Variants in RCC1L observed in about 807,000 individuals in gnomAD.
The protein encoded by RCC1L is RCC1-like G exchanging factor-like protein.
A neutral mutation model predicts 58.6 loss-of-function variants in RCC1L; 46 were observed. The ratio of observed to expected loss-of-function variants is 0.79; its 90% CI spans 0.62 to 1.00. The LOEUF is 1.00. RCC1L is among the 50% of genes least tolerant of loss of function. The pLI is 0.00. For synonymous variants in RCC1L, 281 were observed against 262.9 expected (o/e 1.07, Z -0.67); for missense variants, 636 against 623.6 (o/e 1.02, Z -0.21).
intron 6 of RCC1L, among the ~76,000 whole-genome samples, chr7:75,059,187 C>CAAAAAAAAAAAAAAAAAAAA (rs71278503): frequency 1.3e-5 from 1 of 77,972 alleles, no homozygotes; most frequent in Non-Finnish European, 2.6e-5. Flanking sequence ...ATGAGACTCT[C>CAAAAAAAAAAAAAAAAAAAA]AAAAAAAAAA....
intron 10 of RCC1L, among the ~76,000 whole-genome samples, chr7:75,034,497 C>T (rs1470929923): frequency 1.3e-5 from 2 of 152,164 alleles, no homozygotes; most frequent in African/African-American, 4.8e-5. Context: ...GCCTGGGCGA[C>T]AGAGCGAGAC....
downstream of RCC1L, among the ~76,000 whole-genome samples, chr7:75,037,941 T>C (rs1805463483): frequency 6.6e-6 from 1 of 152,172 alleles, no homozygotes; most frequent in Admixed American, 6.5e-5. Flanking sequence ...CTGTCTCCCA[T>C]GTTAAATATC....
intron 5 of RCC1L, among the ~76,000 whole-genome samples, chr7:75,062,854 TG>T (rs1328181290): frequency 6.6e-6 from 1 of 152,114 alleles, no homozygotes. Flanking sequence ...TGGAGTGCAG[TG>T]GTGCAATCTC....
chr7:75,053,573 G>T (rs949512571), intron 9 of RCC1L, among the ~76,000 whole-genome samples: 2 of 152,188 alleles, frequency 1.3e-5, no homozygotes, highest in Admixed American at 1.3e-4. Context: ...ACAGACAGAT[G>T]ATTTTAATAT....
At chr7:75,066,379 A>G (rs139002608) in intron 3 of RCC1L, among the ~76,000 whole-genome samples, 134,936 of 152,054 alleles carry the variant, frequency 0.89, 59,976 homozygotes, top group East Asian at 0.96. Context: ...GCGTGAACCC[A>G]GGAGGTGGAG....
In RCC1L at chr7:75,061,190, C is replaced by T; in HGVS notation, c.787+17G>A. ...GCTGAGAAGTTTCACGACCCCAGTGCATGAAAAGAACTCTACCTGTTTGCC... is the reference window on the plus strand; with the variant it reads ...GCTGAGAAGTTTCACGACCCCAGTGTATGAAAAGAACTCTACCTGTTTGCC... On this transcript the variant is annotated intron_variant, in intron 6 of 10. Transcript: ENST00000610322. 15 of 1,609,768 alleles carry T rather than the reference C, an allele frequency of 9.3e-6. No homozygotes were observed. Among genetic ancestry groups the T allele is most frequent in the Non-Finnish European group, 1.2e-5 (14 of 1,176,124 alleles).
At chr7:75,063,231 TC>T in intron 5 of RCC1L, 60 bp downstream of exon 5, 1 of 1,595,186 alleles carries the variant, frequency 6.3e-7, no homozygotes, top group South Asian at 1.1e-5. Flanking sequence ...CCTACCCAAA[TC>T]TCAACTTTTC....
intron 10 of RCC1L, among the ~76,000 whole-genome samples, chr7:75,048,602 A>G (rs1244694163): frequency 5.9e-5 from 9 of 152,244 alleles, no homozygotes; most frequent in South Asian, 2.1e-4. Context: ...CACGCTGTCC[A>G]TGCCCTGCCC....
chr7:75,067,088 G>A (rs587776296), intron 2 of RCC1L, among the ~76,000 whole-genome samples: 1 of 152,138 alleles, frequency 6.6e-6, no homozygotes, highest in East Asian at 1.9e-4. Context: ...GATCACCTGA[G>A]GTCAGGAGTT....
intron 2 of RCC1L, among the ~76,000 whole-genome samples, chr7:75,068,640 C>T (rs1806600717): frequency 6.6e-6 from 1 of 152,008 alleles, no homozygotes; most frequent in African/African-American, 2.4e-5. Flanking sequence ...GAGCTGAGAT[C>T]ATGCCACTGC....
At chr7:75,037,855 G>T (rs1805461859), downstream of RCC1L, among the ~76,000 whole-genome samples, 1 of 152,188 alleles carries the variant, frequency 6.6e-6, no homozygotes, top group Admixed American at 6.6e-5. Context: ...ACCTCATGGT[G>T]GCCCCAAATC....
chr7:75,056,624 A>G (rs892254269), intron 8 of RCC1L: 1 of 1,535,262 alleles, frequency 6.5e-7, no homozygotes, highest in Non-Finnish European at 8.7e-7. Flanking sequence ...GAGAAGGCAG[A>G]GCTGGAGTCT....
intron 10 of RCC1L, among the ~76,000 whole-genome samples, chr7:75,047,464 T>A (rs1805760516): frequency 6.6e-6 from 1 of 152,086 alleles, no homozygotes; most frequent in Non-Finnish European, 1.5e-5. Flanking sequence ...AGTCTCACTA[T>A]GTTGCCCAGG....
downstream of RCC1L, among the ~76,000 whole-genome samples, chr7:75,041,250 AG>A (rs1178996114): frequency 3.3e-5 from 5 of 152,006 alleles, no homozygotes; most frequent in East Asian, 9.7e-4. Context: ...AAATAAATAA[AG>A]GGTAGCCCTC....
At chr7:75,068,412 A>G (rs1480521121) in intron 2 of RCC1L, among the ~76,000 whole-genome samples, 3 of 151,776 alleles carry the variant, frequency 2.0e-5, no homozygotes, top group Non-Finnish European at 2.9e-5. Flanking sequence ...TAGGTCGGGC[A>G]TGGTGGCTCA....
In RCC1L at chr7:75,032,528, C is replaced by T. The variant is rs886265249; in HGVS notation, c.1318-4449G>A. 1.8e-3 allele frequency among the ~76,000 whole-genome samples: 278 copies of T among 152,266 alleles called. 2 individuals are homozygous for T. The highest frequency in any genetic ancestry group is 6.1e-3 in the African/African-American group (253 of 41,556). On this transcript the variant is annotated intron_variant, in intron 10 of 10. Coordinates refer to the RCC1L transcript ENST00000614461. The stretch of plus-strand genomic sequence containing the variant: ...AGACTGACACCCTTCCCCTTCTCCT[C>T]TCTGAGATTTTCCATGGGGGGGTAG...
In RCC1L at chr7:75,066,749, CAGGGAGACGGGTG is replaced by C; in HGVS notation, c.485_497del (p.Ser162CysfsTer24). 6.2e-7 allele frequency: 1 copy of C among 1,613,274 alleles called. No individual in the cohort carries two copies. On this transcript the variant is annotated frameshift_variant, in exon 3 of 11. Transcript: ENST00000610322. LOFTEE classifies it high-confidence loss of function. ...GTGTCTCCTGAGGTCTGTCCAGAGGCAGGGAGACGGGTGAGGGCTCCAACACATACTCGTAGCC... is the reference window on the plus strand; with the variant it reads ...GTGTCTCCTGAGGTCTGTCCAGAGGCAGGGCTCCAACACATACTCGTAGCC...
chr7:75,049,810 C>T (rs1290220019), intron 10 of RCC1L, among the ~76,000 whole-genome samples: 2 of 151,820 alleles, frequency 1.3e-5, no homozygotes, highest in African/African-American at 4.8e-5. Flanking sequence ...ACCTGGGAGA[C>T]AGAGGCTGCA....
rs1404095614 is a variant in RCC1L at position 75,027,991 on chromosome 7, T to C, written c.*41A>G. 9.4e-5 allele frequency: 144 copies of C among 1,531,768 alleles called. No individual in the cohort carries two copies. The Middle Eastern group carries it at 9.6e-4, about 10-fold the overall frequency. 94.9% of individuals were successfully genotyped at this position (1,531,768 alleles called of 1,614,324 possible). ...CAGAGGGGCTCCATCCGCAGTTGCA[T>C]GGAACTCCTTACCTGTTTGCCGTCC... is the stretch of plus-strand genomic sequence containing the variant. On this transcript the variant is annotated 3_prime_UTR_variant, in exon 11 of 11. Transcript: ENST00000614461.
Sources: allele counts gnomAD v4.1 joint callset (sites outside exome capture counted in the v4.1 genomes callset), GRCh38; gene constraint gnomAD v4.1.1; transcripts MANE v1.5; gene names NCBI Gene and HGNC (gene_info 2026-07-23, HGNC 2026-07-21).